The following EYS variants were observed in gnomAD, a reference collection of about 807,000 sequenced individuals.
EYS encodes protein eyes shut homolog.
A neutral mutation model predicts 282.1 loss-of-function variants in EYS; 250 were observed. That is an observed-to-expected ratio of 0.89 (90% CI 0.80 to 0.98). EYS has a LOEUF of 0.98. Among genes scored for constraint, EYS ranks in the 50% least tolerant of loss-of-function variants. The pLI, the probability that EYS is intolerant of heterozygous loss-of-function variation, is 0.00. For missense variants in EYS, 4,016 were observed against 3,709.0 expected, an observed-to-expected ratio of 1.08 and a Z score of -2.15; for synonymous variants, 1,355 against 1,282.9, an observed-to-expected ratio of 1.06 and a Z score of -1.20.
At chr6:64,648,596 T>C (rs1280278208) in intron 22 of EYS, among the ~76,000 whole-genome samples, 18 of 152,258 alleles carry the variant, frequency 1.2e-4, no homozygotes, top group South Asian at 8.3e-4. Context: ...TAAGAGTGCA[T>C]AATCTGAGTC....
intron 2 of EYS, among the ~76,000 whole-genome samples, chr6:65,627,109 C>T (rs891498276): frequency 3.3e-5 from 5 of 151,982 alleles, no homozygotes; most frequent in Admixed American, 6.6e-5. Flanking sequence ...ATTGGTGCTA[C>T]TGTAACAATG....
chr6:63,743,231 T>C (rs1233729076), intron 41 of EYS, among the ~76,000 whole-genome samples: 1 of 152,208 alleles, frequency 6.6e-6, no homozygotes, highest in Admixed American at 6.5e-5. Flanking sequence ...GTATACATTA[T>C]ACTTATTATT....
chr6:64,978,970 A>T (rs1023148231), intron 14 of EYS, among the ~76,000 whole-genome samples: 15 of 151,922 alleles, frequency 9.9e-5, no homozygotes, highest in Non-Finnish European at 1.9e-4. Flanking sequence ...TCTGGTGAAG[A>T]TGCTATGACC....
At chr6:64,534,314 T>G (rs2149795172) in intron 26 of EYS, among the ~76,000 whole-genome samples, 1 of 152,170 alleles carries the variant, frequency 6.6e-6, no homozygotes, top group East Asian at 1.9e-4. Flanking sequence ...ATTTTTACTT[T>G]TCTTGGTTTT....
chr6:64,550,086 A>C (rs1301977592), intron 26 of EYS, among the ~76,000 whole-genome samples: 1 of 152,184 alleles, frequency 6.6e-6, no homozygotes, highest in African/African-American at 2.4e-5. Flanking sequence ...TTATGGCTGC[A>C]TAGTATTCCA....
At chr6:64,840,669 C>G (rs1457863120) in intron 19 of EYS, among the ~76,000 whole-genome samples, 1 of 151,958 alleles carries the variant, frequency 6.6e-6, no homozygotes, top group East Asian at 1.9e-4. Flanking sequence ...ATCATAAAGC[C>G]ACTGGTATCA....
At chr6:65,395,622 C>T (rs189191401) in intron 7 of EYS, among the ~76,000 whole-genome samples, 37 of 152,016 alleles carry the variant, frequency 2.4e-4, no homozygotes, top group African/African-American at 7.7e-4. Context: ...AACATTAATT[C>T]CCCAGAAGTT....
At chr6:63,841,960 A>G (rs1160406836) in intron 36 of EYS, among the ~76,000 whole-genome samples, 1 of 152,174 alleles carries the variant, frequency 6.6e-6, no homozygotes, top group African/African-American at 2.4e-5. Flanking sequence ...TTATGGCTGC[A>G]TAGTATTCCA....
intron 31 of EYS, among the ~76,000 whole-genome samples, chr6:64,105,698 T>A (rs745803280): frequency 6.6e-6 from 1 of 152,146 alleles, no homozygotes; most frequent in Non-Finnish European, 1.5e-5. Flanking sequence ...TAGGTAGACT[T>A]TTCAGATTGA....
At chr6:65,676,152 C>T (rs746922933) in intron 1 of EYS, among the ~76,000 whole-genome samples, 5 of 151,632 alleles carry the variant, frequency 3.3e-5, no homozygotes, top group Non-Finnish European at 7.4e-5. Context: ...AATAAACAAC[C>T]TAACTTTATA....
intron 19 of EYS, among the ~76,000 whole-genome samples, chr6:64,881,462 T>G (rs1338918570): frequency 1.3e-5 from 2 of 151,900 alleles, no homozygotes; most frequent in Non-Finnish European, 2.9e-5. Flanking sequence ...AAAGGTAATC[T>G]TATCTGGATG....
At chr6:65,442,588 C>A (rs1768377366) in intron 5 of EYS, among the ~76,000 whole-genome samples, 1 of 151,466 alleles carries the variant, frequency 6.6e-6, no homozygotes, top group African/African-American at 2.4e-5. Flanking sequence ...CCCGTCTCTA[C>A]TAAAACTATA....
chr6:64,948,098 C>T (rs1431635915), intron 14 of EYS, among the ~76,000 whole-genome samples: 4 of 151,492 alleles, frequency 2.6e-5, no homozygotes, highest in African/African-American at 9.7e-5. Flanking sequence ...GTATCATTAT[C>T]ATTAAAGTAT....
At chr6:64,723,601 C>A (rs1234051251) in intron 22 of EYS, among the ~76,000 whole-genome samples, 2 of 152,180 alleles carry the variant, frequency 1.3e-5, no homozygotes, top group African/African-American at 4.8e-5. Flanking sequence ...GTTGATGCAG[C>A]ATCCGTGATC....
At chr6:65,267,308 T>C (rs1767783761) in intron 12 of EYS, among the ~76,000 whole-genome samples, 1 of 151,956 alleles carries the variant, frequency 6.6e-6, no homozygotes, top group Admixed American at 6.6e-5. Flanking sequence ...TCCACTGATA[T>C]ATAATAATTC....
At chr6:64,778,520 C>A (rs1270535304) in intron 22 of EYS, among the ~76,000 whole-genome samples, 1 of 152,156 alleles carries the variant, frequency 6.6e-6, no homozygotes, top group East Asian at 1.9e-4. Flanking sequence ...ACTAAGAGAG[C>A]TTCTTGTTCG....
intron 28 of EYS, among the ~76,000 whole-genome samples, chr6:64,420,638 T>G (rs543202609): frequency 6.6e-6 from 1 of 152,290 alleles, no homozygotes; most frequent in African/African-American, 2.4e-5. Flanking sequence ...GTTTTCAAAC[T>G]TTTATGCCCT....
chr6:64,165,353 A>G, intron 31 of EYS, among the ~76,000 whole-genome samples: 1 of 152,170 alleles, frequency 6.6e-6, no homozygotes, highest in Middle Eastern at 3.4e-3. Context: ...TTAATCTATA[A>G]TTTTAATAAG....
At chr6:64,630,649 T>G (rs1366422112) in intron 22 of EYS, among the ~76,000 whole-genome samples, 2 of 152,220 alleles carry the variant, frequency 1.3e-5, no homozygotes, top group Non-Finnish European at 2.9e-5. Flanking sequence ...GAACTCCACT[T>G]GCTAATTTCA....
Sources: allele counts gnomAD v4.1 joint callset (sites outside exome capture counted in the v4.1 genomes callset), GRCh38; gene constraint gnomAD v4.1.1; transcripts MANE v1.5; gene names NCBI Gene and HGNC (gene_info 2026-07-23, HGNC 2026-07-21).